FAM120C: variants seen among roughly 807,000 people sequenced by gnomAD.
FAM120C encodes family with sequence similarity 120 member C.
Under a neutral mutation model 71.2 loss-of-function variants are expected in FAM120C, and 14 were observed. The ratio of observed to expected loss-of-function variants is 0.20; its 90% CI spans 0.13 to 0.31. The LOEUF (loss-of-function observed/expected upper bound fraction) is 0.31, where lower values mean the gene tolerates loss of function less well. FAM120C is among the 10% of genes least tolerant of loss of function. The pLI, the probability that FAM120C is intolerant of heterozygous loss-of-function variation, is 1.00. For missense variants in FAM120C, 500 were observed against 879.0 expected (o/e 0.57, Z 5.45); for synonymous variants, 354 against 353.2 (o/e 1.00, Z -0.03).
chrX:54,095,062 G>A (rs931751883), intron 10 of FAM120C, among the ~76,000 whole-genome samples: 2 of 107,967 alleles, frequency 1.9e-5, no homozygotes, highest in African/African-American at 3.3e-5. Flanking sequence ...GCAAGAACTT[G>A]TTTCAAAAAC....
intron 15 of FAM120C, among the ~76,000 whole-genome samples, chrX:54,075,694 G>A (rs1395955901): frequency 3.7e-5 from 4 of 108,689 alleles, no homozygotes; most frequent in Non-Finnish European, 7.6e-5. Flanking sequence ...AGCTACTCAG[G>A]AGGCTGAGGC....
At chrX:54,158,363 T>C (rs1285508101) in intron 2 of FAM120C, among the ~76,000 whole-genome samples, 1 of 112,555 alleles carries the variant, frequency 8.9e-6, no homozygotes, top group South Asian at 3.7e-4. Context: ...TTTGGAATTA[T>C]AGAGCAAAGG....
At chrX:54,106,320 T>C (rs897838788) in intron 10 of FAM120C, among the ~76,000 whole-genome samples, 2 of 112,236 alleles carry the variant, frequency 1.8e-5, no homozygotes, top group African/African-American at 3.2e-5. Context: ...AAGAATTCCC[T>C]ATTTAATAAA....
At chrX:54,126,440 C>G (rs1388847959) in intron 9 of FAM120C, among the ~76,000 whole-genome samples, 2 of 111,704 alleles carry the variant, frequency 1.8e-5, no homozygotes, top group African/African-American at 6.5e-5. Flanking sequence ...ATATAGAGGG[C>G]CAATTTTTCA....
rs1557119860 is a variant in FAM120C, at chrX:54,069,267, C to T, written c.*3766G>A. Reference sequence around the variant, plus strand: ...AGAAAGTCGAGTAAGATGCCAAAGTCACAGGATGGAGAAAAATATAAGATG... The same window carrying T: ...AGAAAGTCGAGTAAGATGCCAAAGTTACAGGATGGAGAAAAATATAAGATG... On this transcript the variant is annotated 3_prime_UTR_variant, in exon 16 of 16. Coordinates refer to ENST00000375180, the MANE Select transcript of FAM120C (RefSeq NM_017848.6). 1 of 111,219 alleles carries T rather than the reference C, an allele frequency of 9.0e-6. No individual in the cohort carries two copies. Among genetic ancestry groups the T allele is most frequent in the East Asian group, 2.8e-4 (1 of 3,561 alleles). 9.2% of individuals were successfully genotyped at this position (111,219 alleles called of 1,213,427 possible). A position where few individuals can be genotyped will look rare whatever the true frequency, so the allele number is the denominator to read the frequency against.
intron 10 of FAM120C, among the ~76,000 whole-genome samples, chrX:54,111,233 C>T (rs1265781661): frequency 2.7e-5 from 3 of 110,291 alleles, no homozygotes; most frequent in African/African-American, 9.9e-5. Flanking sequence ...AAAAAAGTAA[C>T]TTGCCCACTT....
intron 4 of FAM120C, among the ~76,000 whole-genome samples, chrX:54,138,320 C>A (rs1474887807): frequency 9.3e-6 from 1 of 107,233 alleles, no homozygotes; most frequent in East Asian, 3.0e-4. Context: ...AGTAACATGA[C>A]AAAACCCCGT....
rs782380115 is a variant in FAM120C, at chrX:54,146,330, A to T, written c.1158+4915T>A. Among the ~76,000 whole-genome samples, 16 of 111,085 alleles carry T rather than the reference A, an allele frequency of 1.4e-4. No individual in the cohort carries two copies. In the South Asian group the frequency reaches 1.5e-3, roughly 10 times the overall value. ...ATAAAAAAATAAATAAAATTAAATTAAAAAAAATAAAATTTATACGGAAAG... is the reference window on the plus strand; with the variant it reads ...ATAAAAAAATAAATAAAATTAAATTTAAAAAAATAAAATTTATACGGAAAG... On this transcript the variant is annotated intron_variant, in intron 4 of 15. Coordinates refer to ENST00000375180, the MANE Select transcript of FAM120C (RefSeq NM_017848.6).
intron 9 of FAM120C, among the ~76,000 whole-genome samples, chrX:54,118,461 T>C (rs1420751647): frequency 9.1e-6 from 1 of 110,044 alleles, no homozygotes; most frequent in African/African-American, 3.3e-5. Context: ...TTCTCTAATA[T>C]AAATGCCCAA....
Position 54,085,695 on chromosome X carries a change from C to T in FAM120C, c.2839+20G>A, listed in dbSNP as rs782132241. On this transcript the variant is annotated intron_variant, in intron 13 of 15. Transcript: ENST00000375180. ...TGACATAAATTGAGGATGGTAAATACCTCATTCTTTGGTACTGACCTGCAA... is the reference window on the plus strand; with the variant it reads ...TGACATAAATTGAGGATGGTAAATATCTCATTCTTTGGTACTGACCTGCAA... The T allele has an allele frequency of 8.4e-7, 1 of 1,189,067 alleles. No homozygotes were observed. Among genetic ancestry groups the T allele is most frequent in the Non-Finnish European group, 1.1e-6 (1 of 876,206 alleles).
intron 9 of FAM120C, among the ~76,000 whole-genome samples, chrX:54,129,512 C>A (rs1557128869): frequency 9.3e-6 from 1 of 107,322 alleles, no homozygotes; most frequent in African/African-American, 3.4e-5. Context: ...GGAGGCCGGG[C>A]AGAGACGCTC....
chrX:54,163,589 A>G (rs1032603489), intron 1 of FAM120C, among the ~76,000 whole-genome samples: 2 of 111,401 alleles, frequency 1.8e-5, no homozygotes, highest in African/African-American at 3.3e-5. Context: ...ATTAGTGGTG[A>G]TAGCTGCACA....
chrX:54,082,007 A>G (rs190383130), intron 13 of FAM120C, among the ~76,000 whole-genome samples: 1 of 108,214 alleles, frequency 9.2e-6, no homozygotes, highest in Non-Finnish European at 1.9e-5. Context: ...ACATGGGGAA[A>G]CCTCGCCTCT....
At chrX:54,135,239 G>T in intron 6 of FAM120C, 128 bp from the exon 7 acceptor site, 1 of 651,314 alleles carries the variant, frequency 1.5e-6, no homozygotes, top group Non-Finnish European at 2.3e-6. Context: ...CACCTAATGA[G>T]AATAATGAGA....
chrX:54,144,989 C>T (rs1426607729), intron 4 of FAM120C, among the ~76,000 whole-genome samples: 1 of 111,366 alleles, frequency 9.0e-6, no homozygotes, highest in Non-Finnish European at 1.9e-5. Context: ...TGGAACAGAA[C>T]AGAGCCCTCA....
In FAM120C at chrX:54,068,784, T is replaced by TAGAACAGAAC. The variant is rs200175983; in HGVS notation, c.*4248_*4249insGTTCTGTTCT. 2.0e-3 allele frequency: 155 copies of TAGAACAGAAC among 78,730 alleles called. No homozygotes were observed. Among genetic ancestry groups the TAGAACAGAAC allele is most frequent in the African/African-American group, 6.2e-3 (148 of 23,730 alleles). 6.5% of individuals were successfully genotyped at this position (78,730 alleles called of 1,213,427 possible). Reference sequence around the variant, plus strand: ...ATTCTAAAAACAGAATAGAACAGAATAGAACAGAATAGAATAGAATAGAAT... The same window carrying TAGAACAGAAC: ...ATTCTAAAAACAGAATAGAACAGAATAGAACAGAACAGAACAGAATAGAATAGAATAGAAT... On this transcript the variant is annotated 3_prime_UTR_variant, in exon 16 of 16. Transcript: ENST00000375180.
chrX:54,169,231 G>A (rs1364110635), intron 1 of FAM120C, among the ~76,000 whole-genome samples: 2 of 110,911 alleles, frequency 1.8e-5, no homozygotes, highest in African/African-American at 6.6e-5. Context: ...CCAGGAGGTT[G>A]AGGCTGCAGT....
At chrX:54,099,176 C>G (rs2066870160) in intron 10 of FAM120C, among the ~76,000 whole-genome samples, 2 of 109,096 alleles carry the variant, frequency 1.8e-5, no homozygotes, top group African/African-American at 6.7e-5. Context: ...CTACGCCCAG[C>G]TGCTTTTTAA....
chrX:54,137,552 C>A (rs1472530483), intron 4 of FAM120C, among the ~76,000 whole-genome samples: 1 of 111,630 alleles, frequency 9.0e-6, no homozygotes, highest in Non-Finnish European at 1.9e-5. Context: ...AACCTCTTCC[C>A]TAATAAAAAC....
Sources: allele counts gnomAD v4.1 joint callset (sites outside exome capture counted in the v4.1 genomes callset), GRCh38; gene constraint gnomAD v4.1.1; transcripts MANE v1.5; gene names NCBI Gene and HGNC (gene_info 2026-07-23, HGNC 2026-07-21).